COL19A1: variants seen among roughly 807,000 people sequenced by gnomAD.
COL19A1 encodes the protein collagen type XIX alpha 1 chain, also known as collagen alpha-1(XIX) chain.
A neutral mutation model predicts 190.2 loss-of-function variants in COL19A1; 159 were observed. The observed-to-expected ratio is 0.84, with a 90% CI of 0.73 to 0.95. The LOEUF (loss-of-function observed/expected upper bound fraction) is 0.95. Ranked by LOEUF, COL19A1 falls within the 40% of genes least tolerant of loss-of-function variation. The pLI is 0.00. For synonymous variants in COL19A1, 509 were observed against 458.9 expected (o/e 1.11, Z -1.39); for missense variants, 1,418 against 1,431.9 (o/e 0.99, Z 0.16).
In COL19A1 at chr6:69,928,019, A is replaced by T. The variant is rs200089846; in HGVS notation, c.377A>T (p.Gln126Leu). 1 of 1,613,182 alleles carries T rather than the reference A, an allele frequency of 6.2e-7. No individual in the cohort carries two copies. The highest frequency in any genetic ancestry group is 2.2e-5 in the East Asian group (1 of 44,846). Residue 126 changes from glutamine (Q) to leucine (L), a missense_variant, in exon 5 of 51, where the codon CAG becomes CTG. Coordinates refer to ENST00000620364, the MANE Select transcript of COL19A1 (RefSeq NM_001858.6). The part of the protein sequence containing the change: ...RWFLWQVLNQ[Q>L]NIPQISIVVD... ...TTTCTGTGGCAGGTTTTAAACCAGC[A>T]GAATATTCCACAGGTAAAGTACCAT...
At chr6:70,036,091 T>C (rs915342817) in intron 14 of COL19A1, 152 bp downstream of exon 14, 4 of 705,696 alleles carry the variant, frequency 5.7e-6, no homozygotes, top group African/African-American at 5.4e-5. Context: ...ATTTTAAAGA[T>C]GGGGCATCTG....
chr6:70,197,190 G>A (rs1767250851), intron 48 of COL19A1, among the ~76,000 whole-genome samples: 1 of 151,950 alleles, frequency 6.6e-6, no homozygotes, highest in African/African-American at 2.4e-5. Flanking sequence ...AGAGGCTGAG[G>A]TGGGTGGATC....
At chr6:70,176,814 G>A (rs1765839603) in intron 42 of COL19A1, among the ~76,000 whole-genome samples, 1 of 152,090 alleles carries the variant, frequency 6.6e-6, no homozygotes. Flanking sequence ...GAGGGGAGAG[G>A]AAACACAGTT....
intron 4 of COL19A1, among the ~76,000 whole-genome samples, chr6:69,902,786 A>G (rs546473520): frequency 6.6e-6 from 1 of 152,162 alleles, no homozygotes; most frequent in African/African-American, 2.4e-5. Flanking sequence ...CCACACTTTA[A>G]ATTTCCAAGG....
At chr6:70,125,360 C>T (rs963203824) in intron 17 of COL19A1, among the ~76,000 whole-genome samples, 5 of 152,294 alleles carry the variant, frequency 3.3e-5, no homozygotes, top group African/African-American at 1.2e-4. Flanking sequence ...AGCAACTACC[C>T]ATGGGAGAAT....
Position 69,884,618 on chromosome 6 carries a change from T to A in COL19A1, c.91+4960T>A, listed in dbSNP as rs1004895413. 1.3e-4 allele frequency among the ~76,000 whole-genome samples: 20 copies of A among 152,302 alleles called. No homozygotes were observed. In the East Asian group the frequency reaches 2.9e-3, roughly 22 times the overall value. Reference sequence around the variant, plus strand: ...TATGTATTTAAGAAGCAATGTTCAATACAGAGGGGGAAAAGTTGGTTATAG... The same window carrying A: ...TATGTATTTAAGAAGCAATGTTCAAAACAGAGGGGGAAAAGTTGGTTATAG... On this transcript the variant is annotated intron_variant, in intron 2 of 50. Transcript: ENST00000620364.
intron 15 of COL19A1, among the ~76,000 whole-genome samples, chr6:70,086,810 G>T (rs1782618997): frequency 6.6e-6 from 1 of 152,136 alleles, no homozygotes; most frequent in Admixed American, 6.6e-5. Context: ...CATTTGTCTA[G>T]TACCTTTCAA....
Position 70,104,436 on chromosome 6 carries a change from G to A in COL19A1, c.1278+2214G>A, listed in dbSNP as rs1195606775. On this transcript the variant is annotated intron_variant, in intron 16 of 50. Transcript: ENST00000620364. ...GTGCACTTTTAAGCAACCTAATCTC[G>A]TGAGAACTCACTCACAAGACAGCAC... Among the ~76,000 whole-genome samples, 5 of 152,066 alleles carry A rather than the reference G, an allele frequency of 3.3e-5. No homozygotes were observed. The South Asian group carries it at 8.3e-4, about 25-fold the overall frequency.
chr6:70,037,316 C>T (rs542862304), intron 14 of COL19A1, among the ~76,000 whole-genome samples: 7 of 151,988 alleles, frequency 4.6e-5, no homozygotes, highest in South Asian at 2.1e-4. Context: ...CCACCATGCC[C>T]GGCTAATTTT....
At position 69,983,011 on chromosome 6, in the gene COL19A1, AATAAATAAATAT is replaced by A. The variant is rs1451162096; in HGVS notation, c.1026+20143_1026+20154del. On this transcript the variant is annotated intron_variant, in intron 11 of 50. Transcript: ENST00000620364. ...AAATAAATAAATAAATAAATAAATAAATAAATAAATATAAAATAAAATCAACATGCCAATTTC... is the reference window on the plus strand; with the variant it reads ...AAATAAATAAATAAATAAATAAATAAAAAATAAAATCAACATGCCAATTTC... Among the ~76,000 whole-genome samples the A allele has an allele frequency of 6.0e-5, 9 of 149,540 alleles. No homozygotes were observed. The East Asian group carries it at 1.4e-3, about 24-fold the overall frequency.
intron 4 of COL19A1, among the ~76,000 whole-genome samples, chr6:69,921,411 C>CATATATATCATATATATCAT (rs377420368): frequency 2.8e-4 from 23 of 82,090 alleles, no homozygotes; most frequent in Non-Finnish European, 4.2e-4. Context: ...TCATATATAT[C>CATATATATCATATATATCAT]ATATATCATA....
intron 22 of COL19A1, among the ~76,000 whole-genome samples, chr6:70,142,428 G>T (rs1156283813): frequency 6.6e-6 from 1 of 152,162 alleles, no homozygotes; most frequent in East Asian, 1.9e-4. Context: ...ACGTTGAGTT[G>T]CTTGAGTTTC....
chr6:69,904,864 G>T (rs1284777127), intron 4 of COL19A1, among the ~76,000 whole-genome samples: 1 of 152,166 alleles, frequency 6.6e-6, no homozygotes, highest in African/African-American at 2.4e-5. Context: ...CACGGCTTGT[G>T]CTGGGATGTC....
At position 70,042,158 on chromosome 6, in the gene COL19A1, G is replaced by A. The variant is rs529289218; in HGVS notation, c.1170+6219G>A. On this transcript the variant is annotated intron_variant, in intron 14 of 50. Coordinates refer to ENST00000620364, the MANE Select transcript of COL19A1 (RefSeq NM_001858.6). Reference sequence around the variant, plus strand: ...AGATGGGGTGGAAATGTAAATGTGCGATGCAGCCCAGTGTAAGATAATAGA... The same window carrying A: ...AGATGGGGTGGAAATGTAAATGTGCAATGCAGCCCAGTGTAAGATAATAGA... Among the ~76,000 whole-genome samples, 22 of 152,310 alleles carry A rather than the reference G, an allele frequency of 1.4e-4. No homozygotes were observed. In the South Asian group the frequency reaches 2.1e-3, roughly 14 times the overall value.
intron 11 of COL19A1, among the ~76,000 whole-genome samples, chr6:69,978,471 A>C (rs1052919017): frequency 6.6e-6 from 1 of 152,022 alleles, no homozygotes; most frequent in Non-Finnish European, 1.5e-5. Flanking sequence ...AAACCAATAC[A>C]TGAAGAAAAC....
chr6:70,127,682 A>G (rs973205973), intron 17 of COL19A1, among the ~76,000 whole-genome samples: 7 of 152,216 alleles, frequency 4.6e-5, no homozygotes, highest in Non-Finnish European at 8.8e-5. Context: ...AGGCACGTCT[A>G]ACATGGTGGC....
At chr6:69,966,577 C>CGTTAAGA (rs1554181505) in intron 11 of COL19A1, among the ~76,000 whole-genome samples, 1 of 151,972 alleles carries the variant, frequency 6.6e-6, no homozygotes, top group Non-Finnish European at 1.5e-5. Flanking sequence ...GCAGCATGCT[C>CGTTAAGA]GTTAAGAGTC....
At chr6:70,043,433 C>A (rs1779737394) in intron 14 of COL19A1, among the ~76,000 whole-genome samples, 1 of 152,120 alleles carries the variant, frequency 6.6e-6, no homozygotes, top group South Asian at 2.1e-4. Flanking sequence ...ACCTCGTGAT[C>A]TGCCCGTCTC....
At chr6:69,983,459 AT>A (rs1354638967) in intron 11 of COL19A1, among the ~76,000 whole-genome samples, 5 of 151,866 alleles carry the variant, frequency 3.3e-5, no homozygotes, top group African/African-American at 9.7e-5. Context: ...TATTTCTTGG[AT>A]TTTTTTTCTT....
Sources: gnomAD v4.1 joint callset for allele counts (sites outside exome capture counted in the v4.1 genomes callset) on GRCh38, gnomAD v4.1.1 for gene constraint, MANE v1.5 for transcripts, NCBI Gene and HGNC (gene_info 2026-07-23, HGNC 2026-07-21) for gene names.